The following ESCO1 variants were observed in gnomAD, a reference collection of about 807,000 sequenced individuals.
ESCO1 encodes establishment of sister chromatid cohesion N-acetyltransferase 1, also known as N-acetyltransferase ESCO1.
Under a neutral mutation model 83.5 loss-of-function variants are expected in ESCO1, and 33 were observed. The ratio of observed to expected loss-of-function variants is 0.40; its 90% CI spans 0.30 to 0.53. ESCO1 has a LOEUF of 0.53. Ranked by LOEUF, ESCO1 falls within the 20% of genes least tolerant of loss-of-function variation. ESCO1 has a pLI of 0.63. For synonymous variants in ESCO1, 332 were observed against 324.3 expected (o/e 1.02, Z -0.25); for missense variants, 855 against 968.0 (o/e 0.88, Z 1.55).
At chr18:21,567,610 G>T (rs1273716114) in intron 5 of ESCO1, among the ~76,000 whole-genome samples, 2 of 152,186 alleles carry the variant, frequency 1.3e-5, no homozygotes, top group South Asian at 4.2e-4. Context: ...GAGTAAATAA[G>T]GGTTAAAGAT....
intron 1 of ESCO1, among the ~76,000 whole-genome samples, chr18:21,591,882 T>C (rs980467044): frequency 1.7e-4 from 25 of 151,264 alleles, no homozygotes; most frequent in African/African-American, 6.1e-4. Context: ...TTAACGAGCA[T>C]GCTGCCTTCA....
intron 5 of ESCO1, among the ~76,000 whole-genome samples, chr18:21,566,626 C>T (rs1432994315): frequency 1.3e-5 from 2 of 152,128 alleles, no homozygotes; most frequent in East Asian, 3.8e-4. Flanking sequence ...TTTGGGAGGG[C>T]AAGGCAGGCG....
intron 8 of ESCO1, among the ~76,000 whole-genome samples, chr18:21,543,027 T>G (rs1017712515): frequency 4.6e-5 from 7 of 152,254 alleles, no homozygotes; most frequent in Non-Finnish European, 8.8e-5. Flanking sequence ...ATGTTACACA[T>G]AACCCTCTGC....
At chr18:21,539,243 T>A (rs924341950) in intron 9 of ESCO1, among the ~76,000 whole-genome samples, 3 of 152,164 alleles carry the variant, frequency 2.0e-5, no homozygotes, top group Non-Finnish European at 1.5e-5. Flanking sequence ...GAATGAAACT[T>A]TACATTTTAT....
At chr18:21,582,726 T>C (rs546791872) in intron 2 of ESCO1, among the ~76,000 whole-genome samples, 2 of 152,286 alleles carry the variant, frequency 1.3e-5, no homozygotes, top group Non-Finnish European at 2.9e-5. Flanking sequence ...TAATACAAAT[T>C]AAAACCAACA....
At chr18:21,545,884 C>T (rs2037967948) in intron 8 of ESCO1, among the ~76,000 whole-genome samples, 1 of 152,138 alleles carries the variant, frequency 6.6e-6, no homozygotes, top group South Asian at 2.1e-4. Context: ...GAGCAGAGAT[C>T]ATGTCACTGC....
At chr18:21,579,796 A>ACGCG (rs1568109881) in intron 2 of ESCO1, among the ~76,000 whole-genome samples, 1 of 23,522 alleles carries the variant, frequency 4.3e-5, no homozygotes, top group African/African-American at 6.9e-5. Context: ...GCGCGCGCGC[A>ACGCG]CACACACACA....
chr18:21,593,456 G>GGC (rs903532056), intron 1 of ESCO1: 1 of 152,860 alleles, frequency 6.5e-6, no homozygotes, highest in Non-Finnish European at 1.5e-5. Context: ...CAGGCGTGGC[G>GGC]GCGCGCGCCT....
chr18:21,563,844 G>A (rs2038221662), intron 7 of ESCO1, among the ~76,000 whole-genome samples: 1 of 151,462 alleles, frequency 6.6e-6, no homozygotes, highest in Admixed American at 6.6e-5. Flanking sequence ...AGTGAGATAT[G>A]TTTGCGTCTT....
chr18:21,549,277 G>T (rs755297105), intron 8 of ESCO1, among the ~76,000 whole-genome samples: 1 of 152,100 alleles, frequency 6.6e-6, no homozygotes, highest in African/African-American at 2.4e-5. Flanking sequence ...TCTACTTTAG[G>T]ACCATGATGT....
chr18:21,574,348 T>G lies in ESCO1; in HGVS notation c.496A>C (p.Lys166Gln), dbSNP rs967015215. ...KKEQCSSTQS[K>Q]SNKTSQKHVK... Reference sequence around the variant, plus strand: ...TGTTTTTGACTTGTTTTATTAGATTTACTCTGAGTACTGCTACACTGCTCT... The same window carrying G: ...TGTTTTTGACTTGTTTTATTAGATTGACTCTGAGTACTGCTACACTGCTCT... Residue 166 changes from lysine (K) to glutamine (Q), a missense_variant, in exon 4 of 12, where the codon AAA (lysine) becomes CAA (glutamine). Coordinates refer to ENST00000269214, the MANE Select transcript of ESCO1 (RefSeq NM_052911.3). 2 of 1,613,860 alleles carry G rather than the reference T, an allele frequency of 1.2e-6. No individual in the cohort carries two copies. Among genetic ancestry groups the G allele is most frequent in the Non-Finnish European group, 1.7e-6 (2 of 1,180,012 alleles).
At chr18:21,597,321 T>A (rs2038780655) in intron 1 of ESCO1, among the ~76,000 whole-genome samples, 1 of 152,156 alleles carries the variant, frequency 6.6e-6, no homozygotes, top group African/African-American at 2.4e-5. Flanking sequence ...ACCATCACCA[T>A]TCCTTCACTA....
chr18:21,569,564 G>A (rs557154858), intron 4 of ESCO1, among the ~76,000 whole-genome samples: 1 of 152,334 alleles, frequency 6.6e-6, no homozygotes, highest in East Asian at 1.9e-4. Context: ...TCACCAAGAT[G>A]GTGAAACCCC....
At chr18:21,567,116 A>G (rs1022999182) in intron 5 of ESCO1, among the ~76,000 whole-genome samples, 1 of 152,020 alleles carries the variant, frequency 6.6e-6, no homozygotes, top group Admixed American at 6.6e-5. Context: ...CTCATCCAAT[A>G]TAAGTGACCA....
intron 10 of ESCO1, 49 bp from the exon 11 acceptor site, chr18:21,532,709 G>A (rs1489015207): frequency 1.9e-6 from 3 of 1,565,898 alleles, no homozygotes; most frequent in African/African-American, 2.7e-5. Context: ...TTATTAATTA[G>A]CAACTAATAC....
At chr18:21,581,030 G>A (rs149012269) in intron 2 of ESCO1, among the ~76,000 whole-genome samples, 18 of 151,512 alleles carry the variant, frequency 1.2e-4, no homozygotes, top group African/African-American at 4.4e-4. Flanking sequence ...TAACAGGGTA[G>A]GCCGGGTGCG....
intron 9 of ESCO1, among the ~76,000 whole-genome samples, chr18:21,537,971 A>G (rs1275112621): frequency 2.0e-5 from 3 of 152,128 alleles, no homozygotes; most frequent in African/African-American, 7.2e-5. Flanking sequence ...ATATGAAAAA[A>G]CTAGCAGATG....
At chr18:21,557,032 T>C (rs776291361) in intron 8 of ESCO1, among the ~76,000 whole-genome samples, 1 of 152,296 alleles carries the variant, frequency 6.6e-6, no homozygotes, top group Non-Finnish European at 1.5e-5. Context: ...CTCATCAATG[T>C]TCTTTCCTAT....
At chr18:21,600,180 G>A (rs1309621973) in intron 1 of ESCO1, among the ~76,000 whole-genome samples, 1 of 152,234 alleles carries the variant, frequency 6.6e-6, no homozygotes, top group Non-Finnish European at 1.5e-5. Context: ...GTGAAGCGCC[G>A]GGAAGAGAAA....
Sources: gnomAD v4.1 joint callset for allele counts (sites outside exome capture counted in the v4.1 genomes callset) on GRCh38, gnomAD v4.1.1 for gene constraint, MANE v1.5 for transcripts, NCBI Gene and HGNC (gene_info 2026-07-23, HGNC 2026-07-21) for gene names.